Variants in LARP4B observed in about 807,000 individuals in gnomAD.
The protein encoded by LARP4B is la-related protein 4B.
A neutral mutation model predicts 89.8 loss-of-function variants in LARP4B; 12 were observed. The observed-to-expected ratio is 0.13, with a 90% CI of 0.09 to 0.22. The LOEUF (loss-of-function observed/expected upper bound fraction) is 0.22, where lower values mean the gene tolerates loss of function less well. Among genes scored for constraint, LARP4B ranks in the 10% least tolerant of loss-of-function variants. The pLI is 1.00. For missense variants in LARP4B, 757 were observed against 947.7 expected (o/e 0.80, Z 2.64); for synonymous variants, 367 against 363.3 (o/e 1.01, Z -0.12).
At chr10:872,958 C>T (rs773487549) in intron 3 of LARP4B, 15 of 920,306 alleles carry the variant, frequency 1.6e-5, no homozygotes, top group African/African-American at 1.8e-5. Context: ...CGCGCGCTAA[C>T]GCCAGCTACA....
At chr10:878,082 C>T (rs557614241) in intron 3 of LARP4B, among the ~76,000 whole-genome samples, 3 of 152,034 alleles carry the variant, frequency 2.0e-5, no homozygotes, top group African/African-American at 4.8e-5. Context: ...GAGAGCCCTG[C>T]GGTAAGGTGA....
At chr10:958,109 C>T in the LARP4B span, among the ~76,000 whole-genome samples, 2 of 152,150 alleles carry the variant, frequency 1.3e-5, no homozygotes, top group African/African-American at 4.8e-5. Flanking sequence ...CGATTGATTT[C>T]CTCCGCGTAA....
At position 811,999 on chromosome 10, in the gene LARP4B, C is replaced by G. The variant is rs1831755785; in HGVS notation, c.*927G>C. 1 of 152,528 alleles carries G rather than the reference C, an allele frequency of 6.6e-6. No homozygotes were observed. Among genetic ancestry groups the G allele is most frequent in the African/African-American group, 2.4e-5 (1 of 41,428 alleles). 9.4% of individuals were successfully genotyped at this position (152,528 alleles called of 1,614,324 possible). On this transcript the variant is annotated 3_prime_UTR_variant, in exon 18 of 18. Coordinates refer to ENST00000316157, the MANE Select transcript of LARP4B (RefSeq NM_015155.3). ...TCTCACGATTACATAACTCTTAAAT[C>G]CATGTGCTGATGCAGAGGTACAGGG...
intron 7 of LARP4B, 43 bp from the exon 8 acceptor site, chr10:836,549 A>C (rs556459393): frequency 8.2e-7 from 1 of 1,225,014 alleles, no homozygotes; most frequent in East Asian, 2.3e-5. Flanking sequence ...AAAATATTAA[A>C]ATATGATATG....
chr10:829,789 C>T (rs1463662009), intron 9 of LARP4B, 55 bp from the exon 10 acceptor site: 1 of 1,235,052 alleles, frequency 8.1e-7, no homozygotes, highest in Non-Finnish European at 1.2e-6. Flanking sequence ...GAATAAGAGG[C>T]ACCAATAGTT....
At chr10:896,113 T>C (rs1303835171) in intron 1 of LARP4B, among the ~76,000 whole-genome samples, 2 of 152,242 alleles carry the variant, frequency 1.3e-5, no homozygotes, top group African/African-American at 4.8e-5. Flanking sequence ...TCAAGTGCAA[T>C]TCAGTGAGCA....
intron 1 of LARP4B, among the ~76,000 whole-genome samples, chr10:917,422 G>C (rs550474315): frequency 1.3e-5 from 2 of 152,252 alleles, no homozygotes; most frequent in African/African-American, 4.8e-5. Context: ...CCGGTTTATT[G>C]TAACAGGACA....
chr10:849,063 C>T (rs570865201), intron 5 of LARP4B, among the ~76,000 whole-genome samples: 15 of 152,102 alleles, frequency 9.9e-5, no homozygotes, highest in South Asian at 2.1e-4. Context: ...TGAAGCAGCA[C>T]GCAGCCACCT....
chr10:931,820 C>T (rs1000258533), upstream of LARP4B: 30 of 151,644 alleles, frequency 2.0e-4, no homozygotes, highest in African/African-American at 6.8e-4. Flanking sequence ...GGGAGAGCCT[C>T]ACGTCATGGT....
intron 1 of LARP4B, among the ~76,000 whole-genome samples, chr10:929,578 A>T (rs1015722013): frequency 7.3e-6 from 1 of 136,076 alleles, no homozygotes; most frequent in South Asian, 2.6e-4. Flanking sequence ...ATCCTGGGTG[A>T]CAGAACAAGA....
chr10:866,114 C>T (rs1167121756), intron 3 of LARP4B, among the ~76,000 whole-genome samples: 2 of 152,180 alleles, frequency 1.3e-5, no homozygotes, highest in African/African-American at 2.4e-5. Context: ...GTGGTTTGTT[C>T]GTTCCTGCTC....
intron 7 of LARP4B, among the ~76,000 whole-genome samples, chr10:839,466 C>CTAT (rs1485863306): frequency 4.6e-5 from 7 of 151,982 alleles, no homozygotes; most frequent in African/African-American, 1.7e-4. Flanking sequence ...GTTAATAAAA[C>CTAT]TAATAAAGTA....
Position 920,074 on chromosome 10 carries a change from T to G in LARP4B, c.-40+11354A>C, listed in dbSNP as rs566865077. 8.5e-5 allele frequency among the ~76,000 whole-genome samples: 13 copies of G among 152,346 alleles called. No individual in the cohort carries two copies. In the East Asian group the frequency reaches 2.3e-3, roughly 27 times the overall value. On this transcript the variant is annotated intron_variant, in intron 1 of 17. Transcript: ENST00000316157. ...AATCTACCTCAAAAAGTTAAAACACTTATTTAAATTATCTAACATACATAA... is the reference window on the plus strand; with the variant it reads ...AATCTACCTCAAAAAGTTAAAACACGTATTTAAATTATCTAACATACATAA...
intron 2 of LARP4B, among the ~76,000 whole-genome samples, chr10:884,755 C>T (rs1646900285): frequency 6.6e-6 from 1 of 152,100 alleles, no homozygotes; most frequent in Non-Finnish European, 1.5e-5. Flanking sequence ...CTCAAAGCCA[C>T]TTTGGAACTT....
downstream of LARP4B, chr10:808,780 C>A (rs1831639237): frequency 6.6e-6 from 1 of 151,632 alleles, no homozygotes; most frequent in Admixed American, 6.6e-5. Context: ...CACACATACA[C>A]ACACACTATT....
chr10:966,545 G>A, the LARP4B span, among the ~76,000 whole-genome samples: 2 of 152,248 alleles, frequency 1.3e-5, no homozygotes, highest in Non-Finnish European at 2.9e-5. Flanking sequence ...AGCAGTGTCC[G>A]CACATCCTAC....
intron 1 of LARP4B, among the ~76,000 whole-genome samples, chr10:910,902 T>G (rs1836648579): frequency 6.6e-6 from 1 of 152,196 alleles, no homozygotes; most frequent in African/African-American, 2.4e-5. Context: ...TGGTCCCCCG[T>G]ACCCTGCTTG....
the LARP4B span, among the ~76,000 whole-genome samples, chr10:967,136 T>C: frequency 6.6e-6 from 1 of 152,212 alleles, no homozygotes; most frequent in Non-Finnish European, 1.5e-5. Context: ...AGTGCCTGAC[T>C]TGCTGGGTGG....
intron 8 of LARP4B, among the ~76,000 whole-genome samples, chr10:835,665 G>T (rs1833173652): frequency 6.6e-6 from 1 of 152,140 alleles, no homozygotes; most frequent in African/African-American, 2.4e-5. Flanking sequence ...TTACTTTTAA[G>T]CTATCAGATA....
Sources: allele counts gnomAD v4.1 joint callset (sites outside exome capture counted in the v4.1 genomes callset), GRCh38; gene constraint gnomAD v4.1.1; transcripts MANE v1.5; gene names NCBI Gene and HGNC (gene_info 2026-07-23, HGNC 2026-07-21).